Variants in SUGCT observed in about 807,000 individuals in gnomAD.
SUGCT encodes succinyl-CoA:glutarate-CoA transferase.
A neutral mutation model predicts 55.0 loss-of-function variants in SUGCT; 41 were observed. The observed-to-expected ratio is 0.74, with a 90% CI of 0.58 to 0.97. The LOEUF (loss-of-function observed/expected upper bound fraction) is 0.97, where lower values mean the gene tolerates loss of function less well. SUGCT is among the 50% of genes least tolerant of loss of function. The pLI is 0.00. For missense variants in SUGCT, 568 were observed against 547.8 expected, an observed-to-expected ratio of 1.04 and a Z score of -0.37; for synonymous variants, 187 against 200.4, an observed-to-expected ratio of 0.93 and a Z score of 0.56.
intron 12 of SUGCT, among the ~76,000 whole-genome samples, chr7:40,551,636 G>A (rs1330552515): frequency 1.3e-5 from 2 of 152,196 alleles, no homozygotes; most frequent in Non-Finnish European, 2.9e-5. Context: ...CACTCCTATG[G>A]ATGGAAGGCA....
chr7:41,024,937 T>C, the SUGCT span, among the ~76,000 whole-genome samples: 16 of 152,344 alleles, frequency 1.1e-4, no homozygotes, highest in Non-Finnish European at 2.1e-4. Context: ...TGGGCGTGTA[T>C]AAGTTGTCCT....
the SUGCT span, among the ~76,000 whole-genome samples, chr7:41,000,484 G>GT: frequency 0.12 from 17,598 of 143,468 alleles, 1,785 homozygotes; most frequent in African/African-American, 0.28. Context: ...TAACTTAGTT[G>GT]TTTTTTTTTT....
chr7:40,577,360 T>G (rs1796825451), intron 12 of SUGCT, among the ~76,000 whole-genome samples: 1 of 152,014 alleles, frequency 6.6e-6, no homozygotes, highest in Non-Finnish European at 1.5e-5. Flanking sequence ...CTGGGTATCT[T>G]GTAATTGGTC....
intron 7 of SUGCT, among the ~76,000 whole-genome samples, chr7:40,271,432 G>T (rs1792007559): frequency 2.6e-5 from 4 of 152,042 alleles, no homozygotes; most frequent in Admixed American, 6.6e-5. Context: ...CTGGCCTCTT[G>T]TCTTGTTCTT....
chr7:40,181,974 G>A lies in SUGCT; in HGVS notation c.172G>A (p.Ala58Thr). ...TTGTAGAGTCCTGGCGGGACCTTTT[G>A]CTACTATGAATTTAGGAGATCTTGG... The part of the protein sequence containing the change: ...DLTRVLAGPF[A>T]TMNLGDLGAE... The change falls in exon 3 of 14, where the codon GCT becomes ACT. Residue 58 changes from alanine (A) to threonine (T), a missense_variant. Coordinates refer to ENST00000335693, the MANE Select transcript of SUGCT (RefSeq NM_001193313.2). 6.3e-7 allele frequency: 1 copy of A among 1,598,196 alleles called. No individual in the cohort carries two copies. Among genetic ancestry groups the A allele is most frequent in the Non-Finnish European group, 8.5e-7 (1 of 1,170,032 alleles).
intron 13 of SUGCT, among the ~76,000 whole-genome samples, chr7:40,846,731 G>C (rs1793575742): frequency 2.0e-5 from 3 of 152,180 alleles, no homozygotes; most frequent in Admixed American, 6.5e-5. Flanking sequence ...ACTGATATGA[G>C]AGCAGATTTT....
At position 40,579,641 on chromosome 7, in the gene SUGCT, G is replaced by A. The variant is rs147552163; in HGVS notation, c.1089+83255G>A. Reference sequence around the variant, plus strand: ...AAATGGTGTGGGGGTGTCGTAGCACGTGGGTGTCTAGATTCCAGAGGGCTT... The same window carrying A: ...AAATGGTGTGGGGGTGTCGTAGCACATGGGTGTCTAGATTCCAGAGGGCTT... On this transcript the variant is annotated intron_variant, in intron 12 of 13. Coordinates refer to ENST00000335693, the MANE Select transcript of SUGCT (RefSeq NM_001193313.2). 1.0e-3 allele frequency among the ~76,000 whole-genome samples: 153 copies of A among 152,332 alleles called. 1 individual carries two copies. Among genetic ancestry groups the A allele is most frequent in the African/African-American group, 3.3e-3 (139 of 41,570 alleles).
At chr7:40,270,355 G>T (rs1035858192) in intron 7 of SUGCT, among the ~76,000 whole-genome samples, 2 of 151,898 alleles carry the variant, frequency 1.3e-5, no homozygotes, top group South Asian at 2.1e-4. Context: ...ATATCATAAA[G>T]ATTTACTCCT....
chr7:40,864,840 G>T (rs1408484331), downstream of SUGCT, among the ~76,000 whole-genome samples: 1 of 151,948 alleles, frequency 6.6e-6, no homozygotes, highest in African/African-American at 2.4e-5. Flanking sequence ...GAGAGGGAGG[G>T]GCAGGCACTA....
chr7:40,689,910 A>G (rs1584278477), intron 12 of SUGCT, among the ~76,000 whole-genome samples: 1 of 152,334 alleles, frequency 6.6e-6, no homozygotes, highest in East Asian at 1.9e-4. Context: ...GTAAGCAACA[A>G]GTAGCCACTG....
intron 13 of SUGCT, among the ~76,000 whole-genome samples, chr7:40,842,892 G>A (rs1489192969): frequency 6.6e-6 from 1 of 152,172 alleles, no homozygotes; most frequent in African/African-American, 2.4e-5. Flanking sequence ...GTCTACATGA[G>A]ACTATTTTGG....
chr7:40,623,116 A>G (rs1256379918), intron 12 of SUGCT, among the ~76,000 whole-genome samples: 1 of 152,166 alleles, frequency 6.6e-6, no homozygotes, highest in Non-Finnish European at 1.5e-5. Flanking sequence ...CTGCCAGTAA[A>G]GACATATGGA....
chr7:40,989,963 A>C, the SUGCT span, among the ~76,000 whole-genome samples: 1 of 152,206 alleles, frequency 6.6e-6, no homozygotes, highest in African/African-American at 2.4e-5. Flanking sequence ...GTTGGAATCA[A>C]CTTCTTCCTA....
chr7:40,172,439 C>G (rs375930132), intron 1 of SUGCT, among the ~76,000 whole-genome samples: 4 of 152,264 alleles, frequency 2.6e-5, no homozygotes, highest in East Asian at 3.9e-4. Context: ...CACAGCGTAG[C>G]GCTTCCTTAG....
intron 9 of SUGCT, among the ~76,000 whole-genome samples, chr7:40,320,569 T>A (rs1458776737): frequency 6.6e-6 from 1 of 152,198 alleles, no homozygotes; most frequent in East Asian, 1.9e-4. Flanking sequence ...TTTACATACA[T>A]GGCCAACATG....
At chr7:40,622,528 G>GTTTTTTTTTTT (rs370877783) in intron 12 of SUGCT, among the ~76,000 whole-genome samples, 1 of 81,852 alleles carries the variant, frequency 1.2e-5, no homozygotes, top group African/African-American at 4.8e-5. Context: ...TGTTGTGGTT[G>GTTTTTTTTTTT]TTTTTTTTTT....
intron 12 of SUGCT, among the ~76,000 whole-genome samples, chr7:40,560,169 C>T (rs1330182363): frequency 3.3e-5 from 5 of 152,170 alleles, no homozygotes. Flanking sequence ...ATGAGTGGCC[C>T]TAAGCATACA....
intron 8 of SUGCT, among the ~76,000 whole-genome samples, chr7:40,292,289 A>G (rs1386998350): frequency 6.6e-6 from 1 of 152,122 alleles, no homozygotes; most frequent in Non-Finnish European, 1.5e-5. Flanking sequence ...CACATTGTTG[A>G]GAGACAATTG....
chr7:40,761,497 T>C (rs1788530909), intron 13 of SUGCT, among the ~76,000 whole-genome samples: 1 of 152,208 alleles, frequency 6.6e-6, no homozygotes, highest in Admixed American at 6.5e-5. Context: ...ATAGTAATAG[T>C]TGTCCCACCA....
Sources: gnomAD v4.1 joint callset for allele counts (sites outside exome capture counted in the v4.1 genomes callset) on GRCh38, gnomAD v4.1.1 for gene constraint, MANE v1.5 for transcripts, NCBI Gene and HGNC (gene_info 2026-07-23, HGNC 2026-07-21) for gene names.